PCDH15: variants seen among roughly 807,000 people sequenced by gnomAD.
PCDH15 encodes the protein protocadherin related 15, also known as protocadherin-15.
In PCDH15, 129 loss-of-function variants were observed where a neutral mutation model predicts 178.5. The observed-to-expected ratio is 0.72, with a 90% CI of 0.63 to 0.84. The LOEUF is 0.84. PCDH15 is among the 40% of genes least tolerant of loss of function. The pLI, the probability that PCDH15 is intolerant of heterozygous loss-of-function variation, is 0.00. For synonymous variants in PCDH15, 800 were observed against 732.0 expected (o/e 1.09, Z -1.50); for missense variants, 2,230 against 2,099.9 (o/e 1.06, Z -1.21).
chr10:55,622,719 A>G (rs1241721048), intron 2 of PCDH15, among the ~76,000 whole-genome samples: 1 of 152,224 alleles, frequency 6.6e-6, no homozygotes, highest in East Asian at 1.9e-4. Flanking sequence ...ATCACTTCTC[A>G]CCAGGAATCA....
chr10:55,082,189 C>A (rs1417243123), intron 2 of PCDH15, among the ~76,000 whole-genome samples: 1 of 151,988 alleles, frequency 6.6e-6, no homozygotes, highest in Non-Finnish European at 1.5e-5. Context: ...CAAAACAGGT[C>A]TTTAAAAATT....
At chr10:54,352,997 C>T (rs1944409308) in intron 5 of PCDH15, among the ~76,000 whole-genome samples, 1 of 152,092 alleles carries the variant, frequency 6.6e-6, no homozygotes, top group South Asian at 2.1e-4. Context: ...AGATTCTCCA[C>T]ACATGAAATC....
Position 54,288,451 on chromosome 10 carries a change from C to G in PCDH15, c.876+28820G>C, listed in dbSNP as rs528088740. On this transcript the variant is annotated intron_variant, in intron 8 of 37. Coordinates refer to ENST00000644397, the MANE Select transcript of PCDH15 (RefSeq NM_001384140.1). ...CTCCGGTCTGCAGCTCCCAGTGTGACTGACGCAGAAGATGGGTGATTTCTG... is the reference window on the plus strand; with the variant it reads ...CTCCGGTCTGCAGCTCCCAGTGTGAGTGACGCAGAAGATGGGTGATTTCTG... 3.9e-5 allele frequency among the ~76,000 whole-genome samples: 6 copies of G among 152,278 alleles called. No homozygotes were observed. The East Asian group carries it at 1.2e-3, about 29-fold the overall frequency.
chr10:53,904,860 C>A (rs1039127865), intron 25 of PCDH15, among the ~76,000 whole-genome samples: 9 of 152,102 alleles, frequency 5.9e-5, no homozygotes, highest in African/African-American at 2.2e-4. Context: ...CCAATAACTT[C>A]TTTGCACTTT....
chr10:54,387,945 A>G (rs927291897), intron 3 of PCDH15, among the ~76,000 whole-genome samples: 1 of 152,156 alleles, frequency 6.6e-6, no homozygotes, highest in African/African-American at 2.4e-5. Flanking sequence ...ATCATTGACA[A>G]AGTAGGTTGT....
chr10:55,133,940 T>C (rs1838123331), intron 2 of PCDH15, among the ~76,000 whole-genome samples: 1 of 152,152 alleles, frequency 6.6e-6, no homozygotes, highest in African/African-American at 2.4e-5. Context: ...TCTTTTATCC[T>C]GTTCCCCTAT....
intron 21 of PCDH15, among the ~76,000 whole-genome samples, chr10:53,991,850 TA>T (rs2091509446): frequency 6.6e-6 from 1 of 151,752 alleles, no homozygotes; most frequent in Non-Finnish European, 1.5e-5. Context: ...CAGCTCTCTG[TA>T]AAATGGACCA....
At chr10:54,830,995 A>G (rs1953216170) in intron 3 of PCDH15, among the ~76,000 whole-genome samples, 1 of 152,060 alleles carries the variant, frequency 6.6e-6, no homozygotes, top group Admixed American at 6.6e-5. Context: ...CCTTTTCACA[A>G]ATAATTTGTA....
intron 2 of PCDH15, among the ~76,000 whole-genome samples, chr10:55,138,725 C>A (rs1218449625): frequency 6.6e-6 from 1 of 152,070 alleles, no homozygotes; most frequent in Admixed American, 6.6e-5. Flanking sequence ...TCGGTACCAA[C>A]AAGATATAAA....
Position 55,387,837 on chromosome 10 carries a change from C to A in PCDH15, c.-155-221186G>T, listed in dbSNP as rs551986965. 3.9e-5 allele frequency among the ~76,000 whole-genome samples: 6 copies of A among 152,060 alleles called. No homozygotes were observed. In the South Asian group the frequency reaches 1.2e-3, roughly 32 times the overall value. The stretch of plus-strand genomic sequence containing the variant: ...GGAACATATAACTTCATAGAACACA[C>A]CGTGGTATTTTTTTTTAATACGGAG... On this transcript the variant is annotated intron_variant, in intron 2 of 5. Coordinates refer to the PCDH15 transcript ENST00000613346.
At chr10:55,546,992 T>C (rs946353162) in intron 2 of PCDH15, among the ~76,000 whole-genome samples, 1 of 151,690 alleles carries the variant, frequency 6.6e-6, no homozygotes, top group African/African-American at 2.4e-5. Flanking sequence ...AATCCGAAAG[T>C]AGTGTAGTTC....
chr10:54,236,006 T>G (rs540134672), intron 9 of PCDH15, among the ~76,000 whole-genome samples: 1 of 152,300 alleles, frequency 6.6e-6, no homozygotes, highest in Admixed American at 6.5e-5. Flanking sequence ...CTAATATCTG[T>G]TGGTTGTTGT....
intron 1 of PCDH15, among the ~76,000 whole-genome samples, chr10:54,793,710 A>G (rs1430790416): frequency 6.9e-6 from 1 of 145,888 alleles, no homozygotes; most frequent in Admixed American, 6.9e-5. Flanking sequence ...ACATATATAT[A>G]CATATATATA....
intron 2 of PCDH15, among the ~76,000 whole-genome samples, chr10:55,572,406 A>G (rs894014450): frequency 2.0e-5 from 3 of 151,228 alleles, no homozygotes; most frequent in South Asian, 2.1e-4. Context: ...ACTTTATGCA[A>G]TATAAACCAC....
At chr10:54,622,746 A>AT (rs1565778349) in intron 2 of PCDH15, among the ~76,000 whole-genome samples, 7 of 40,096 alleles carry the variant, frequency 1.7e-4, no homozygotes, top group Non-Finnish European at 3.9e-4. Context: ...TATATATATT[A>AT]TATATAATTA....
chr10:55,369,010 CA>C (rs60906060), intron 2 of PCDH15, among the ~76,000 whole-genome samples: 14,916 of 86,412 alleles, frequency 0.17, 456 homozygotes, highest in African/African-American at 0.26. Context: ...TTTTTGGGAC[CA>C]AAAAAAAAAA....
chr10:54,381,759 G>A (rs1468711329), intron 3 of PCDH15, among the ~76,000 whole-genome samples: 1 of 152,014 alleles, frequency 6.6e-6, no homozygotes, highest in Non-Finnish European at 1.5e-5. Flanking sequence ...CACCTTACAT[G>A]AAATTTTCCT....
chr10:54,328,487 A>G (rs1176018449), intron 7 of PCDH15, among the ~76,000 whole-genome samples: 1 of 152,012 alleles, frequency 6.6e-6, no homozygotes. Flanking sequence ...TGAACTATAC[A>G]TAGTATAATT....
chr10:55,499,815 A>G (rs1840616103), intron 2 of PCDH15, among the ~76,000 whole-genome samples: 2 of 151,776 alleles, frequency 1.3e-5, no homozygotes, highest in African/African-American at 4.8e-5. Flanking sequence ...AATTATATTT[A>G]TTTGGTAACA....
Sources: gnomAD v4.1 joint callset for allele counts (sites outside exome capture counted in the v4.1 genomes callset) on GRCh38, gnomAD v4.1.1 for gene constraint, MANE v1.5 for transcripts, NCBI Gene and HGNC (gene_info 2026-07-23, HGNC 2026-07-21) for gene names.